HSPA14: variants seen among roughly 807,000 people sequenced by gnomAD.
HSPA14 encodes heat shock protein family A (Hsp70) member 14, also known as heat shock 70 kDa protein 14.
Under a neutral mutation model 65.5 loss-of-function variants are expected in HSPA14, and 37 were observed. The observed-to-expected ratio is 0.56, with a 90% CI of 0.43 to 0.74. The LOEUF (loss-of-function observed/expected upper bound fraction) is 0.74, where lower values mean the gene tolerates loss of function less well. Ranked by LOEUF, HSPA14 falls within the 30% of genes least tolerant of loss-of-function variation. The probability of loss-of-function intolerance (pLI) is 0.00; values close to 1 mark genes in which losing one functional copy is unlikely to be tolerated. For missense variants in HSPA14, 564 were observed against 607.6 expected, an observed-to-expected ratio of 0.93 and a Z score of 0.75; for synonymous variants, 203 against 214.2, an observed-to-expected ratio of 0.95 and a Z score of 0.46.
chr10:14,867,190 C>T lies in HSPA14; in HGVS notation c.1101C>T (p.Ile367=), dbSNP rs1050232782. The T allele has an allele frequency of 6.2e-7, 1 of 1,612,736 alleles. No individual in the cohort carries two copies. ...LLNSIPPDEV[I]PIGAAIEAGI... ...ATTCTATCCCTCCTGATGAAGTGAT[C>T]CCTATTGGTGCAGCTATAGAAGCAG... Residue 367 remains isoleucine, a synonymous_variant, in exon 11 of 14, where the codon ATC becomes ATT. Coordinates refer to ENST00000378372, the MANE Select transcript of HSPA14 (RefSeq NM_016299.4).
At chr10:14,853,023 A>C (rs1263783855) in intron 8 of HSPA14, among the ~76,000 whole-genome samples, 17 of 152,092 alleles carry the variant, frequency 1.1e-4, no homozygotes, top group Non-Finnish European at 4.4e-5. Flanking sequence ...CTAAAATTCT[A>C]ACCCTTTTGG....
At chr10:14,869,504 A>G (rs1832836588) in intron 12 of HSPA14, among the ~76,000 whole-genome samples, 1 of 152,140 alleles carries the variant, frequency 6.6e-6, no homozygotes, top group Non-Finnish European at 1.5e-5. Flanking sequence ...TGTGTTGACC[A>G]GGCTGGTCTC....
In HSPA14 at chr10:14,848,526, G is replaced by A. The variant is rs1053601670; in HGVS notation, c.222-83G>A. 18 of 950,756 alleles carry A rather than the reference G, an allele frequency of 1.9e-5. 1 individual carries two copies. The Middle Eastern group carries it at 2.0e-3, about 105-fold the overall frequency. The allele number at this position is 950,756 out of a possible 1,614,324, so 58.9% of individuals were successfully genotyped here. A position where few individuals can be genotyped will look rare whatever the true frequency, so the allele number is the denominator to read the frequency against. On this transcript the variant is annotated intron_variant, in intron 3 of 13. Coordinates refer to ENST00000378372, the MANE Select transcript of HSPA14 (RefSeq NM_016299.4). ...ATTTTAGTATTTGTTCAGTGATATTGTGAAATACAGTCTTCTCTAAACTTT... is the reference window on the plus strand; with the variant it reads ...ATTTTAGTATTTGTTCAGTGATATTATGAAATACAGTCTTCTCTAAACTTT...
chr10:14,850,201 A>G (rs1834097522), intron 6 of HSPA14, among the ~76,000 whole-genome samples: 3 of 151,502 alleles, frequency 2.0e-5, no homozygotes, highest in Non-Finnish European at 2.9e-5. Flanking sequence ...GAACCCAGGA[A>G]GTGGAGGTTG....
At position 14,838,365 on chromosome 10, in the gene HSPA14, G is replaced by C; in HGVS notation, c.-38G>C. The C allele has an allele frequency of 6.4e-7, 1 of 1,573,416 alleles. No individual in the cohort carries two copies. The highest frequency in any genetic ancestry group is 8.6e-7 in the Non-Finnish European group (1 of 1,161,924). ...CGGCCGGTAGCTGTTGCTGTTGGGG[G>C]ACCCCCTCATTCCTGCCGCTGCCGT... On this transcript the variant is annotated 5_prime_UTR_variant, in exon 1 of 14. Transcript: ENST00000378372.
chr10:14,861,367 C>A (rs2131645178), intron 10 of HSPA14, among the ~76,000 whole-genome samples: 1 of 152,200 alleles, frequency 6.6e-6, no homozygotes, highest in South Asian at 2.1e-4. Flanking sequence ...AAACAGAAGC[C>A]CAGGCTGGAA....
intron 1 of HSPA14, among the ~76,000 whole-genome samples, chr10:14,839,610 A>G (rs1833944494): frequency 6.6e-6 from 1 of 151,998 alleles, no homozygotes; most frequent in African/African-American, 2.4e-5. Context: ...GTAAGAAGGA[A>G]GAGAGGTAGG....
At chr10:14,854,659 A>T (rs553090173) in intron 9 of HSPA14, among the ~76,000 whole-genome samples, 1 of 152,346 alleles carries the variant, frequency 6.6e-6, no homozygotes, top group Admixed American at 6.5e-5. Context: ...ACTTTGAAGC[A>T]TAGTGAAAAT....
At position 14,842,597 on chromosome 10, in the gene HSPA14, G is replaced by T; in HGVS notation, c.221+2440G>T. ...GGATCAGCTTCTCCGAAATCAGATAGTGACTGACCCAGACAACTTAATGGA... is the reference window on the plus strand; with the variant it reads ...GGATCAGCTTCTCCGAAATCAGATATTGACTGACCCAGACAACTTAATGGA... On this transcript the variant is annotated intron_variant, in intron 3 of 13. Coordinates refer to ENST00000378372, the MANE Select transcript of HSPA14 (RefSeq NM_016299.4). The surrounding 1 kb of genome is among the most constrained non-coding windows in gnomAD (Gnocchi z 5.2). The T allele has an allele frequency of 6.5e-7, 1 of 1,536,166 alleles. No homozygotes were observed. The highest frequency in any genetic ancestry group is 8.7e-7 in the Non-Finnish European group (1 of 1,146,924).
At chr10:14,847,383 A>G (rs1834068728) in intron 3 of HSPA14, among the ~76,000 whole-genome samples, 1 of 152,214 alleles carries the variant, frequency 6.6e-6, no homozygotes, top group African/African-American at 2.4e-5. Flanking sequence ...TCCTATTCTT[A>G]AAGTGTTTGG....
rs113855455 is a variant in HSPA14, at chr10:14,852,640, G to T, written c.734+109G>T. 1,379 of 896,934 alleles carry T rather than the reference G, an allele frequency of 1.5e-3. 14 individuals are homozygous for T. The African/African-American group carries it at 0.02, about 13-fold the overall frequency. The allele number at this position is 896,934 out of a possible 1,614,324, so 55.6% of individuals were successfully genotyped here. ...TTATCCTGCTGCAAAGGAGGATGTG[G>T]TTTTTTCATTGCTTGGAAACTGGAT... On this transcript the variant is annotated intron_variant, in intron 8 of 13. Coordinates refer to ENST00000378372, the MANE Select transcript of HSPA14 (RefSeq NM_016299.4).
chr10:14,845,635 C>T (rs1834040084), intron 3 of HSPA14: 1 of 744,552 alleles, frequency 1.3e-6, no homozygotes, highest in Non-Finnish European at 1.6e-6. Context: ...ACTGTTTTGC[C>T]CAGGCTGGGG....
At chr10:14,850,164 C>T (rs549428581) in intron 6 of HSPA14, among the ~76,000 whole-genome samples, 8 of 151,490 alleles carry the variant, frequency 5.3e-5, no homozygotes, top group East Asian at 3.9e-4. Flanking sequence ...CTCAGCTATT[C>T]GGGAGGCTGA....
At chr10:14,850,741 C>G (rs1834102245) in intron 6 of HSPA14, 1 of 152,214 alleles carries the variant, frequency 6.6e-6, no homozygotes, top group Admixed American at 6.5e-5. Flanking sequence ...CTGTTTAAGC[C>G]ACACTGTATT....
chr10:14,840,198 C>A, intron 3 of HSPA14, 41 bp downstream of exon 3: 2 of 976,328 alleles, frequency 2.0e-6, no homozygotes, highest in South Asian at 2.5e-5. Context: ...GTAATAGGAA[C>A]ATGTTCATAA....
In HSPA14 at chr10:14,870,615, G is replaced by A; in HGVS notation, c.1399G>A (p.Asp467Asn). Residue 467 changes from aspartate to asparagine, a missense_variant, in exon 13 of 14, where the codon GAT (aspartate) becomes AAT (asparagine). Coordinates refer to ENST00000378372, the MANE Select transcript of HSPA14 (RefSeq NM_016299.4). ...KFAQVVLQDL[D>N]KKENGLRDIL... is the part of the protein sequence containing the mutation. ...TAAACAGGTTGTACTCCAGGATTTA[G>A]ATAAAAAAGAAAATGGATTACGTGA... 1 of 1,583,380 alleles carries A rather than the reference G, an allele frequency of 6.3e-7. No individual in the cohort carries two copies. The highest frequency in any genetic ancestry group is 1.1e-5 in the South Asian group (1 of 88,370).
chr10:14,847,984 C>T (rs889538118), intron 3 of HSPA14, among the ~76,000 whole-genome samples: 1 of 152,196 alleles, frequency 6.6e-6, no homozygotes, highest in Non-Finnish European at 1.5e-5. Context: ...CTCTCTGAAG[C>T]TCTTTATCTC....
chr10:14,869,232 C>CGT (rs68155495), intron 12 of HSPA14, among the ~76,000 whole-genome samples: 11,087 of 144,712 alleles, frequency 0.077, 397 homozygotes, highest in Middle Eastern at 0.11. Flanking sequence ...TGTACGTGTA[C>CGT]GTGTGTGTGT....
At chr10:14,848,317 T>C (rs1286923778) in intron 3 of HSPA14, among the ~76,000 whole-genome samples, 1 of 152,200 alleles carries the variant, frequency 6.6e-6, no homozygotes, top group Non-Finnish European at 1.5e-5. Flanking sequence ...ATGGATATTA[T>C]GAAAAGTCAC....
Sources: allele counts gnomAD v4.1 joint callset (sites outside exome capture counted in the v4.1 genomes callset), GRCh38; gene constraint gnomAD v4.1.1; non-coding constraint Gnocchi (gnomAD v3.1); transcripts MANE v1.5; gene names NCBI Gene and HGNC (gene_info 2026-07-23, HGNC 2026-07-21).